The following PTPN3 variants were observed in gnomAD, a reference collection of about 807,000 sequenced individuals.
The protein encoded by PTPN3 is tyrosine-protein phosphatase non-receptor type 3.
In PTPN3, 96 loss-of-function variants were observed where a neutral mutation model predicts 132.7. The ratio of observed to expected loss-of-function variants is 0.72; its 90% CI spans 0.61 to 0.86. The LOEUF (loss-of-function observed/expected upper bound fraction) is 0.86. Ranked by LOEUF, PTPN3 falls within the 40% of genes least tolerant of loss-of-function variation. PTPN3 has a pLI of 0.00. For missense variants in PTPN3, 1,125 were observed against 1,159.6 expected, an observed-to-expected ratio of 0.97 and a Z score of 0.43; for synonymous variants, 398 against 429.0, an observed-to-expected ratio of 0.93 and a Z score of 0.89.
chr9:109,376,439 A>C lies in PTPN3; in HGVS notation c.*3117T>G, dbSNP rs1838566385. ...TAATCTAAAAGCATATTTAAATATG[A>C]ATTACTGTGGTAGGAAACGAAAGAC... On this transcript the variant is annotated 3_prime_UTR_variant, in exon 26 of 26. Coordinates refer to ENST00000374541, the MANE Select transcript of PTPN3 (RefSeq NM_002829.4). 1 of 152,176 alleles carries C rather than the reference A, an allele frequency of 6.6e-6. No individual in the cohort carries two copies. The highest frequency in any genetic ancestry group is 2.1e-4 in the South Asian group (1 of 4,824). The allele number at this position is 152,176 out of a possible 1,614,324, so 9.4% of individuals were successfully genotyped here.
At chr9:109,481,371 T>C (rs1846951533) in intron 1 of PTPN3, among the ~76,000 whole-genome samples, 1 of 152,066 alleles carries the variant, frequency 6.6e-6, no homozygotes, top group African/African-American at 2.4e-5. Flanking sequence ...TTCTAAAATC[T>C]CCAAAGGGGA....
the PTPN3 span, among the ~76,000 whole-genome samples, chr9:109,510,576 A>AT: frequency 0.023 from 1,084 of 46,442 alleles, 10 homozygotes; most frequent in East Asian, 0.037. Flanking sequence ...AAAAAAAAAA[A>AT]ATATATATAT....
chr9:109,389,144 G>A (rs975515940), intron 22 of PTPN3, 89 bp downstream of exon 22: 6 of 1,508,082 alleles, frequency 4.0e-6, no homozygotes, highest in African/African-American at 2.8e-5. Context: ...ACCAGGAGAC[G>A]CTGAAGACCC....
At chr9:109,423,494 T>C (rs1360277822) in intron 12 of PTPN3, among the ~76,000 whole-genome samples, 4 of 152,016 alleles carry the variant, frequency 2.6e-5, no homozygotes, top group Non-Finnish European at 4.4e-5. Flanking sequence ...TAATTCCAGC[T>C]ACTTGGGAGG....
chr9:109,508,952 G>A, the PTPN3 span, among the ~76,000 whole-genome samples: 3 of 152,122 alleles, frequency 2.0e-5, no homozygotes, highest in African/African-American at 7.2e-5. Context: ...CCAGTGCTTT[G>A]GGAGGTCGAG....
Position 109,408,881 on chromosome 9 carries a change from A to ATG in PTPN3, c.1579-505_1579-504insCA, listed in dbSNP as rs1554783556. 7.0e-3 allele frequency among the ~76,000 whole-genome samples: 1,020 copies of ATG among 145,682 alleles called. 13 individuals carry two copies. The highest frequency in any genetic ancestry group is 0.024 in the African/African-American group (927 of 39,142). ...ATATGGGCTTTATATATATATATAT[A>ATG]GGGGCTTTCAGCAGAGGCGAGCGAG... On this transcript the variant is annotated intron_variant, in intron 16 of 25. Transcript: ENST00000374541.
intron 14 of PTPN3, among the ~76,000 whole-genome samples, chr9:109,418,201 T>C (rs908241469): frequency 1.3e-5 from 2 of 152,202 alleles, no homozygotes; most frequent in Admixed American, 6.5e-5. Context: ...GATAATGTGC[T>C]ATTTGCCCAG....
chr9:109,457,227 G>C lies in PTPN3; in HGVS notation c.247-12C>G, dbSNP rs770534785. On this transcript the variant is annotated splice_polypyrimidine_tract_variant and intron_variant, in intron 3 of 25. Transcript: ENST00000374541. ...GCTTCCAGCCATCTCTGTTGGACAA[G>C]AAAACATAAAATATAAAAGCAAACC... 6.2e-7 allele frequency: 1 copy of C among 1,613,670 alleles called. No homozygotes were observed. Among genetic ancestry groups the C allele is most frequent in the Admixed American group, 1.7e-5 (1 of 59,920 alleles).
the PTPN3 span, among the ~76,000 whole-genome samples, chr9:109,518,704 C>T: frequency 6.6e-6 from 1 of 152,102 alleles, no homozygotes; most frequent in Non-Finnish European, 1.5e-5. Flanking sequence ...TGAAGTAAAG[C>T]TCTGGCTGGT....
chr9:109,494,694 C>T (rs1847605825), intron 1 of PTPN3, among the ~76,000 whole-genome samples: 2 of 152,120 alleles, frequency 1.3e-5, no homozygotes, highest in South Asian at 4.1e-4. Context: ...CTAGCTTATC[C>T]TTTTAAAGTA....
intron 11 of PTPN3, 80 bp downstream of exon 11, chr9:109,428,541 G>T: frequency 1.4e-6 from 2 of 1,454,472 alleles, no homozygotes; most frequent in South Asian, 1.3e-5. Flanking sequence ...AGCTCAGTTT[G>T]GGCAACATAG....
the PTPN3 span, among the ~76,000 whole-genome samples, chr9:109,522,487 A>G: frequency 1.1e-4 from 16 of 152,262 alleles, no homozygotes; most frequent in African/African-American, 3.9e-4. Flanking sequence ...TGCACATTGT[A>G]GCATCCAACC....
At chr9:109,429,582 T>C (rs1388152986) in intron 10 of PTPN3, among the ~76,000 whole-genome samples, 1 of 152,230 alleles carries the variant, frequency 6.6e-6, no homozygotes, top group Non-Finnish European at 1.5e-5. Flanking sequence ...GTCCACTATC[T>C]GGGGGATTCT....
At chr9:109,487,561 G>A (rs961386892) in intron 1 of PTPN3, among the ~76,000 whole-genome samples, 3 of 152,318 alleles carry the variant, frequency 2.0e-5, no homozygotes, top group Non-Finnish European at 4.4e-5. Context: ...CAGCCTTCCA[G>A]CCTTCCAGGT....
At chr9:109,412,791 G>A (rs1842183701) in intron 14 of PTPN3, among the ~76,000 whole-genome samples, 1 of 152,118 alleles carries the variant, frequency 6.6e-6, no homozygotes, top group African/African-American at 2.4e-5. Flanking sequence ...ACAGGTGTGA[G>A]CCACCATCCC....
At chr9:109,525,333 C>T in the PTPN3 span, among the ~76,000 whole-genome samples, 1 of 152,242 alleles carries the variant, frequency 6.6e-6, no homozygotes. Context: ...GCTAGGATTA[C>T]AGGCGTGAGC....
chr9:109,533,495 C>G, the PTPN3 span: 1 of 1,596,170 alleles, frequency 6.3e-7, no homozygotes, highest in Non-Finnish European at 8.6e-7. Flanking sequence ...GCGGTACCGA[C>G]GTTGAGGTGG....
At chr9:109,458,380 G>A (rs1448502028) in intron 2 of PTPN3, among the ~76,000 whole-genome samples, 1 of 152,198 alleles carries the variant, frequency 6.6e-6, no homozygotes, top group South Asian at 2.1e-4. Context: ...TTGGAAAACT[G>A]CAAATTCTAC....
In PTPN3 at chr9:109,399,827, T is replaced by C. The variant is rs529253399; in HGVS notation, c.1953+4621A>G. Among the ~76,000 whole-genome samples, 3 of 152,010 alleles carry C rather than the reference T, an allele frequency of 2.0e-5. No homozygotes were observed. In the East Asian group the frequency reaches 5.8e-4, roughly 29 times the overall value. ...CCTTCCTCTTCCTACTCCTGTCCAG[T>C]GTACACCCCCATCAGCCAGGACGCC... is the stretch of plus-strand genomic sequence containing the variant. On this transcript the variant is annotated intron_variant, in intron 19 of 25. Transcript: ENST00000374541.
Sources: gnomAD v4.1 joint callset for allele counts (sites outside exome capture counted in the v4.1 genomes callset) on GRCh38, gnomAD v4.1.1 for gene constraint, MANE v1.5 for transcripts, NCBI Gene and HGNC (gene_info 2026-07-23, HGNC 2026-07-21) for gene names.